KIAA0040: variants seen among roughly 807,000 people sequenced by gnomAD.
KIAA0040 encodes uncharacterized protein KIAA0040.
Under a neutral mutation model 7.2 loss-of-function variants are expected in KIAA0040, and 10 were observed. The ratio of observed to expected loss-of-function variants is 1.38; its 90% confidence interval spans 0.85 to 2.34. KIAA0040 has a LOEUF of 2.34. Among genes scored for constraint, KIAA0040 ranks in the 30% most tolerant of loss-of-function variants. The pLI, the probability that KIAA0040 is intolerant of heterozygous loss-of-function variation, is 0.00. For synonymous variants in KIAA0040, 49 were observed against 40.1 expected (o/e 1.22, Z -0.84); for missense variants, 89 against 108.2 (o/e 0.82, Z 0.79).
intron 3 of KIAA0040, among the ~76,000 whole-genome samples, chr1:175,165,872 C>A (rs915851089): frequency 6.6e-6 from 1 of 151,614 alleles, no homozygotes; most frequent in African/African-American, 2.4e-5. Context: ...GGGAGCAGGG[C>A]GTTCTATTCT....
rs1042258482 is a variant in KIAA0040, at chr1:175,157,013, C to A, written c.*3701G>T. ...AGCTAGTATACCTTTAATTTTATTTCATTGCAATGAATTTAAATAGTCACA... is the reference window on the plus strand; with the variant it reads ...AGCTAGTATACCTTTAATTTTATTTAATTGCAATGAATTTAAATAGTCACA... On this transcript the variant is annotated 3_prime_UTR_variant, in exon 4 of 4. Transcript: ENST00000423313. The A allele has an allele frequency of 1.3e-5, 2 of 149,190 alleles. No homozygotes were observed. Among genetic ancestry groups the A allele is most frequent in the Admixed American group, 6.7e-5 (1 of 14,946 alleles). 9.2% of individuals were successfully genotyped at this position (149,190 alleles called of 1,614,324 possible).
intron 2 of KIAA0040, among the ~76,000 whole-genome samples, chr1:175,169,195 T>G (rs549874834): frequency 1.4e-4 from 22 of 152,376 alleles, no homozygotes; most frequent in African/African-American, 5.0e-4. Context: ...CCATTGCATA[T>G]ATAATCCCTA....
intron 3 of KIAA0040, among the ~76,000 whole-genome samples, chr1:175,162,450 G>A (rs1219783251): frequency 2.1e-5 from 3 of 145,898 alleles, no homozygotes; most frequent in African/African-American, 7.5e-5. Context: ...AGCACTCTCC[G>A]CAGGCTGCCA....
At chr1:175,170,448 T>C (rs1452226643) in intron 2 of KIAA0040, among the ~76,000 whole-genome samples, 2 of 152,202 alleles carry the variant, frequency 1.3e-5, no homozygotes, top group Admixed American at 1.3e-4. Context: ...TCACCACCTG[T>C]ATGATCACAC....
chr1:175,162,204 C>T (rs34370567), intron 3 of KIAA0040, among the ~76,000 whole-genome samples: 61,634 of 151,974 alleles, frequency 0.41, 12,910 homozygotes, highest in Non-Finnish European at 0.45. Context: ...CAAGGACAGG[C>T]ATGATTCAAG....
chr1:175,190,010 AATT>A (rs1326069886), intron 1 of KIAA0040, among the ~76,000 whole-genome samples: 7 of 152,200 alleles, frequency 4.6e-5, no homozygotes, highest in Admixed American at 1.3e-4. Context: ...AGGGGTCTGA[AATT>A]AGTCAGAGTA....
intron 2 of KIAA0040, among the ~76,000 whole-genome samples, chr1:175,174,701 C>T (rs184032426): frequency 3.3e-5 from 5 of 152,280 alleles, no homozygotes; most frequent in East Asian, 1.9e-4. Flanking sequence ...TATCCCCCGC[C>T]TTTCCCCTAG....
intron 1 of KIAA0040, among the ~76,000 whole-genome samples, chr1:175,181,619 G>A (rs1677441965): frequency 6.6e-6 from 1 of 152,090 alleles, no homozygotes; most frequent in Non-Finnish European, 1.5e-5. Context: ...TTTTGTTGTT[G>A]GGGAACTGGA....
intron 1 of KIAA0040, among the ~76,000 whole-genome samples, chr1:175,187,571 A>G (rs1304562860): frequency 6.6e-6 from 1 of 152,156 alleles, no homozygotes; most frequent in East Asian, 1.9e-4. Flanking sequence ...GAAGCTCTTG[A>G]CTCAGAGTGC....
intron 1 of KIAA0040, among the ~76,000 whole-genome samples, chr1:175,183,930 A>T (rs1677546093): frequency 6.6e-6 from 1 of 152,198 alleles, no homozygotes; most frequent in Non-Finnish European, 1.5e-5. Flanking sequence ...TGTCAGGTAC[A>T]CATAGAAGAG....
intron 2 of KIAA0040, among the ~76,000 whole-genome samples, chr1:175,170,678 C>T (rs1676956107): frequency 6.6e-6 from 1 of 152,184 alleles, no homozygotes; most frequent in South Asian, 2.1e-4. Context: ...CTCTCTCTGA[C>T]TATGTCCTGA....
intron 2 of KIAA0040, among the ~76,000 whole-genome samples, chr1:175,168,315 T>C (rs1202047871): frequency 6.6e-6 from 1 of 152,174 alleles, no homozygotes; most frequent in African/African-American, 2.4e-5. Context: ...CATTCTGAAA[T>C]AGGTATCTAC....
At chr1:175,185,004 G>A (rs1677600064) in intron 1 of KIAA0040, among the ~76,000 whole-genome samples, 1 of 152,124 alleles carries the variant, frequency 6.6e-6, no homozygotes, top group Non-Finnish European at 1.5e-5. Context: ...GCTCTTCGTG[G>A]AGACCTCAAT....
chr1:175,161,133 G>T lies in KIAA0040; in HGVS notation c.-120C>A. Reference sequence around the variant, plus strand: ...CTCTTCCAGCTTTGGGTTTGGGCATGCCACTGGCAGCACCTGAAGAGATTA... The same window carrying T: ...CTCTTCCAGCTTTGGGTTTGGGCATTCCACTGGCAGCACCTGAAGAGATTA... On this transcript the variant is annotated 5_prime_UTR_variant, in exon 4 of 4. Transcript: ENST00000423313. 1.2e-6 allele frequency: 1 copy of T among 864,904 alleles called. No homozygotes were observed. Among genetic ancestry groups the T allele is most frequent in the Non-Finnish European group, 1.8e-6 (1 of 565,042 alleles). 53.6% of individuals were successfully genotyped at this position (864,904 alleles called of 1,614,324 possible).
chr1:175,171,005 C>G (rs768242790), intron 2 of KIAA0040, among the ~76,000 whole-genome samples: 22 of 152,240 alleles, frequency 1.4e-4, no homozygotes, highest in Admixed American at 1.0e-3. Context: ...GTGGCCTAGC[C>G]GCGCCTACTA....
chr1:175,162,336 A>C (rs1400726800), intron 3 of KIAA0040, among the ~76,000 whole-genome samples: 2 of 152,074 alleles, frequency 1.3e-5, no homozygotes, highest in Non-Finnish European at 2.9e-5. Flanking sequence ...AAGGATAAAG[A>C]ATCTGGGGTC....
chr1:175,165,178 C>T (rs10489327), intron 3 of KIAA0040, among the ~76,000 whole-genome samples: 19,066 of 152,158 alleles, frequency 0.13, 1,461 homozygotes, highest in East Asian at 0.31. Flanking sequence ...TCGCAAACTT[C>T]TATCCACCCA....
chr1:175,173,533 G>A (rs566004198), intron 2 of KIAA0040, among the ~76,000 whole-genome samples: 67 of 152,302 alleles, frequency 4.4e-4, no homozygotes, highest in African/African-American at 1.5e-3. Context: ...CTACTCAAGC[G>A]CAGAAAGACG....
chr1:175,168,310 T>G (rs1676852555), intron 2 of KIAA0040, among the ~76,000 whole-genome samples: 1 of 152,222 alleles, frequency 6.6e-6, no homozygotes, highest in Non-Finnish European at 1.5e-5. Context: ...CTAGGCATTC[T>G]GAAATAGGTA....
Sources: gnomAD v4.1 joint callset for allele counts (sites outside exome capture counted in the v4.1 genomes callset) on GRCh38, gnomAD v4.1.1 for gene constraint, MANE v1.5 for transcripts, NCBI Gene and HGNC (gene_info 2026-07-23, HGNC 2026-07-21) for gene names.